PMPCB: variants seen among roughly 807,000 people sequenced by gnomAD.
PMPCB encodes the protein mitochondrial-processing peptidase subunit beta.
A neutral mutation model predicts 61.5 loss-of-function variants in PMPCB; 46 were observed. The observed-to-expected ratio is 0.75, with a 90% CI of 0.59 to 0.96. The LOEUF is 0.96. Among genes scored for constraint, PMPCB ranks in the 40% least tolerant of loss-of-function variants. PMPCB has a pLI of 0.00. For synonymous variants in PMPCB, 191 were observed against 201.6 expected, an observed-to-expected ratio of 0.95 and a Z score of 0.44; for missense variants, 590 against 602.4, an observed-to-expected ratio of 0.98 and a Z score of 0.22.
chr7:103,342,012 A>G, the PMPCB span: 1 of 1,316,074 alleles, frequency 7.6e-7, no homozygotes, highest in Non-Finnish European at 1.0e-6. Flanking sequence ...AATATGTTTC[A>G]AGGCAATTAA....
the PMPCB span, chr7:103,344,327 A>G: frequency 1.7e-6 from 1 of 582,000 alleles, no homozygotes; most frequent in Non-Finnish European, 3.1e-6. Flanking sequence ...AGCAGCGGCG[A>G]GAGGAGGAAG....
rs1343723362 is a variant in PMPCB, at chr7:103,310,389, C to G, written c.1068C>G (p.Ser356=). 6.2e-7 allele frequency: 1 copy of G among 1,613,132 alleles called. No individual in the cohort carries two copies. Among genetic ancestry groups the G allele is most frequent in the Non-Finnish European group, 8.5e-7 (1 of 1,179,272 alleles). Residue 356 remains serine (S), a synonymous_variant, in exon 9 of 13, where the codon TCC becomes TCG. Coordinates refer to ENST00000249269, the MANE Select transcript of PMPCB (RefSeq NM_004279.3). ...LCHSFQSFNT[S]YTDTGLWGLY... is the part of the protein sequence containing the mutation. ...ATAGCTTTCAGTCTTTCAACACTTC[C>G]TACACAGATACAGGATTATGGGGAC...
intron 11 of PMPCB, 57 bp from the exon 12 acceptor site, chr7:103,311,999 G>T: frequency 1.9e-6 from 3 of 1,574,298 alleles, no homozygotes; most frequent in Non-Finnish European, 2.6e-6. Context: ...AAAAGTTCCA[G>T]GTATAGACTT....
At chr7:103,301,160 T>C (rs1411696788) in intron 4 of PMPCB, among the ~76,000 whole-genome samples, 1 of 152,234 alleles carries the variant, frequency 6.6e-6, no homozygotes, top group Non-Finnish European at 1.5e-5. Context: ...TTGTGGAAAT[T>C]GAAGCTCAGA....
At chr7:103,327,024 G>A (rs1351962134) in intron 12 of PMPCB, among the ~76,000 whole-genome samples, 1 of 152,160 alleles carries the variant, frequency 6.6e-6, no homozygotes, top group Non-Finnish European at 1.5e-5. Flanking sequence ...TAGGCTTCTG[G>A]AGCACTGTGT....
chr7:103,320,033 C>G (rs1214023439), intron 12 of PMPCB, among the ~76,000 whole-genome samples: 1 of 152,190 alleles, frequency 6.6e-6, no homozygotes, highest in African/African-American at 2.4e-5. Context: ...GACTCCATCT[C>G]AAAAAAACAG....
intron 5 of PMPCB, 70 bp from the exon 6 acceptor site, chr7:103,304,341 T>A (rs1817523359): frequency 5.7e-6 from 5 of 881,066 alleles, no homozygotes; most frequent in Non-Finnish European, 9.5e-6. Flanking sequence ...CCAATTTGAT[T>A]TCAGGTATAT....
the PMPCB span, chr7:103,337,755 C>G: frequency 6.2e-7 from 1 of 1,613,612 alleles, no homozygotes; most frequent in Non-Finnish European, 8.5e-7. Context: ...TGATCTGTCT[C>G]TGTGTAGCCT....
the PMPCB span, among the ~76,000 whole-genome samples, chr7:103,341,415 T>G: frequency 6.6e-6 from 1 of 152,234 alleles, no homozygotes; most frequent in East Asian, 1.9e-4. Flanking sequence ...ATACGACTTA[T>G]CAATTCCTCA....
chr7:103,316,290 T>C, downstream of PMPCB: 1 of 397,432 alleles, frequency 2.5e-6, no homozygotes, highest in South Asian at 7.6e-5. Context: ...TCAACGATAA[T>C]CTTGGTTTTA....
At chr7:103,301,704 T>C (rs906037524) in intron 4 of PMPCB, among the ~76,000 whole-genome samples, 7 of 152,216 alleles carry the variant, frequency 4.6e-5, no homozygotes, top group African/African-American at 1.7e-4. Context: ...TTTTTCACCC[T>C]TCACCCTGGG....
At chr7:103,299,129 G>C (rs1817377800) in intron 2 of PMPCB, among the ~76,000 whole-genome samples, 1 of 152,216 alleles carries the variant, frequency 6.6e-6, no homozygotes, top group Non-Finnish European at 1.5e-5. Flanking sequence ...ATACATGACA[G>C]AGCCAGGATT....
At chr7:103,343,140 T>C in the PMPCB span, among the ~76,000 whole-genome samples, 2 of 151,338 alleles carry the variant, frequency 1.3e-5, no homozygotes, top group Admixed American at 6.6e-5. Context: ...GCTGGGATTA[T>C]AGGCGCCCGC....
downstream of PMPCB, chr7:103,319,611 G>GT (rs1448759182): frequency 6.2e-7 from 1 of 1,614,028 alleles, no homozygotes. Flanking sequence ...TCTATTACCT[G>GT]TTTTTCCAAA....
intron 4 of PMPCB, among the ~76,000 whole-genome samples, chr7:103,302,985 GCA>G (rs961135125): frequency 6.6e-6 from 1 of 152,106 alleles, no homozygotes; most frequent in African/African-American, 2.4e-5. Context: ...CAAGAATGAA[GCA>G]CAGTTTTTTT....
downstream of PMPCB, among the ~76,000 whole-genome samples, chr7:103,330,472 G>A (rs1818920953): frequency 6.6e-6 from 1 of 151,640 alleles, no homozygotes; most frequent in Admixed American, 6.6e-5. Flanking sequence ...TATTTATTGA[G>A]ATGGAGTTTT....
At chr7:103,319,983 G>C (rs999385201) in intron 12 of PMPCB, 3 of 784,006 alleles carry the variant, frequency 3.8e-6, no homozygotes, top group Non-Finnish European at 6.3e-6. Context: ...GCAGCAAACT[G>C]AGATCACGCC....
chr7:103,312,826 A>T lies in PMPCB; in HGVS notation c.*555A>T, dbSNP rs1361040330. The stretch of plus-strand genomic sequence containing the variant: ...ATTTCTTCCTCATAATATTGACCCC[A>T]TAACTACTGGTTTTGAAATAAGCAC... On this transcript the variant is annotated 3_prime_UTR_variant, in exon 13 of 13. Transcript: ENST00000249269. 6 of 1,522,290 alleles carry T rather than the reference A, an allele frequency of 3.9e-6. No individual in the cohort carries two copies. In the East Asian group the frequency reaches 9.0e-5, roughly 23 times the overall value. The allele number at this position is 1,522,290 out of a possible 1,614,324, so 94.3% of individuals were successfully genotyped here. A position where few individuals can be genotyped will look rare whatever the true frequency, so the allele number is the denominator to read the frequency against.
chr7:103,318,571 G>C (rs919692393), downstream of PMPCB, among the ~76,000 whole-genome samples: 1 of 151,982 alleles, frequency 6.6e-6, no homozygotes, highest in Admixed American at 6.6e-5. Context: ...TTCTTCTCAG[G>C]TTCTTCTCAG....
Sources: gnomAD v4.1 joint callset for allele counts (sites outside exome capture counted in the v4.1 genomes callset) on GRCh38, gnomAD v4.1.1 for gene constraint, MANE v1.5 for transcripts, NCBI Gene and HGNC (gene_info 2026-07-23, HGNC 2026-07-21) for gene names.